The following CNTN5 variants were observed in gnomAD, a reference collection of about 807,000 sequenced individuals.
CNTN5 encodes the protein contactin-5.
CNTN5 carries 77 observed loss-of-function variants against 129.1 expected under a neutral mutation model. The ratio of observed to expected loss-of-function variants is 0.60; its 90% CI spans 0.50 to 0.72. CNTN5 has a LOEUF of 0.72. CNTN5 is among the 30% of genes least tolerant of loss of function. The pLI is 0.00. For missense variants in CNTN5, 1,478 were observed against 1,328.8 expected (o/e 1.11, Z -1.75); for synonymous variants, 509 against 465.6 (o/e 1.09, Z -1.20).
intron 3 of CNTN5, among the ~76,000 whole-genome samples, chr11:99,770,558 A>G (rs1356647956): frequency 6.6e-6 from 1 of 152,042 alleles, no homozygotes; most frequent in African/African-American, 2.4e-5. Flanking sequence ...AATTATGTCA[A>G]TATCTCATAG....
intron 2 of CNTN5, among the ~76,000 whole-genome samples, chr11:99,386,000 T>C (rs774089403): frequency 5.9e-5 from 9 of 152,200 alleles, no homozygotes; most frequent in Non-Finnish European, 1.2e-4. Flanking sequence ...TATATTTCCC[T>C]TGGGTGAAAG....
chr11:99,949,207 A>T (rs908292007), intron 7 of CNTN5, among the ~76,000 whole-genome samples: 1 of 152,070 alleles, frequency 6.6e-6, no homozygotes, highest in Non-Finnish European at 1.5e-5. Flanking sequence ...TATAAACCCA[A>T]TGAAAGACAA....
At position 100,235,077 on chromosome 11, in the gene CNTN5, C is replaced by T. The variant is rs539126428; in HGVS notation, c.2005+10265C>T. Among the ~76,000 whole-genome samples the T allele has an allele frequency of 7.2e-5, 11 of 152,162 alleles. No homozygotes were observed. The East Asian group carries it at 2.1e-3, about 29-fold the overall frequency. ...GTGTCATGAAAACAAAACAAAATGGCCTTTAATGTTAAAAAAGATGGTCTT... is the reference window on the plus strand; with the variant it reads ...GTGTCATGAAAACAAAACAAAATGGTCTTTAATGTTAAAAAAGATGGTCTT... On this transcript the variant is annotated intron_variant, in intron 16 of 24. Transcript: ENST00000524871.
chr11:100,053,821 G>A (rs1429726433), intron 9 of CNTN5, among the ~76,000 whole-genome samples: 2 of 151,716 alleles, frequency 1.3e-5, no homozygotes, highest in African/African-American at 4.8e-5. Flanking sequence ...ACAGTCAGCA[G>A]GCGTCTGGAT....
chr11:100,118,185 G>GC (rs1420997843), intron 13 of CNTN5, among the ~76,000 whole-genome samples: 4 of 151,638 alleles, frequency 2.6e-5, no homozygotes, highest in Admixed American at 2.0e-4. Context: ...TATATCATGT[G>GC]CTTTTAAAAT....
chr11:100,291,790 A>AAAT (rs1565405998), intron 18 of CNTN5, among the ~76,000 whole-genome samples: 61 of 50,540 alleles, frequency 1.2e-3, no homozygotes, highest in African/African-American at 2.5e-3. Context: ...AATAAATAAA[A>AAAT]AATATAAATA....
Position 100,358,202 on chromosome 11 carries a change from G to C in CNTN5, c.*1982G>C, listed in dbSNP as rs1952568305. 1 of 151,802 alleles carries C rather than the reference G, an allele frequency of 6.6e-6. No homozygotes were observed. Among genetic ancestry groups the C allele is most frequent in the African/African-American group, 2.4e-5 (1 of 41,386 alleles). 9.4% of individuals were successfully genotyped at this position (151,802 alleles called of 1,614,324 possible). A position where few individuals can be genotyped will look rare whatever the true frequency, so the allele number is the denominator to read the frequency against. ...CAAGCCATTTTCTTCATTTTCCATG[G>C]TGGTGTACACCAGATTTAGTGAAGG... On this transcript the variant is annotated 3_prime_UTR_variant, in exon 25 of 25. Transcript: ENST00000524871.
At chr11:99,190,590 G>GA in intron 1 of CNTN5, among the ~76,000 whole-genome samples, 1 of 150,912 alleles carries the variant, frequency 6.6e-6, no homozygotes, top group East Asian at 1.9e-4. Flanking sequence ...ATGTTTTGTA[G>GA]TTTTTTTTAG....
intron 1 of CNTN5, among the ~76,000 whole-genome samples, chr11:99,032,235 A>G (rs541318092): frequency 2.2e-4 from 33 of 152,064 alleles, no homozygotes; most frequent in African/African-American, 7.2e-4. Context: ...ATACGTGTGC[A>G]TGTGTCTTTA....
At chr11:99,033,368 A>G (rs1465841312) in intron 1 of CNTN5, among the ~76,000 whole-genome samples, 1 of 152,064 alleles carries the variant, frequency 6.6e-6, no homozygotes, top group Admixed American at 6.5e-5. Flanking sequence ...CAGTATGGCC[A>G]TTTTCACGAT....
At chr11:99,457,874 A>G (rs996603600) in intron 2 of CNTN5, among the ~76,000 whole-genome samples, 3 of 151,634 alleles carry the variant, frequency 2.0e-5, no homozygotes, top group African/African-American at 7.3e-5. Context: ...TCAAATTTTC[A>G]CTTCACTTCC....
At chr11:99,041,448 G>T (rs944588952) in intron 1 of CNTN5, among the ~76,000 whole-genome samples, 1 of 152,066 alleles carries the variant, frequency 6.6e-6, no homozygotes, top group Non-Finnish European at 1.5e-5. Context: ...TCATTTGTAT[G>T]CATGCCTTAC....
intron 15 of CNTN5, among the ~76,000 whole-genome samples, chr11:100,218,950 G>C (rs1325780891): frequency 1.3e-5 from 2 of 152,204 alleles, no homozygotes; most frequent in African/African-American, 4.8e-5. Context: ...ATGTGAGACA[G>C]AGAGTTGATC....
At chr11:99,171,435 C>T (rs1354130166) in intron 1 of CNTN5, among the ~76,000 whole-genome samples, 1 of 152,188 alleles carries the variant, frequency 6.6e-6, no homozygotes, top group African/African-American at 2.4e-5. Flanking sequence ...TTCAGTTCCT[C>T]CTCCTTATTC....
intron 2 of CNTN5, among the ~76,000 whole-genome samples, chr11:99,329,504 C>T (rs1865917374): frequency 1.3e-5 from 2 of 152,152 alleles, no homozygotes; most frequent in South Asian, 2.1e-4. Flanking sequence ...TCTGAAGGCT[C>T]AGTCACCTGA....
intron 1 of CNTN5, among the ~76,000 whole-genome samples, chr11:99,246,928 A>G (rs1861840959): frequency 6.6e-6 from 1 of 152,194 alleles, no homozygotes; most frequent in Admixed American, 6.6e-5. Context: ...ATTAATCCAT[A>G]TAATTTTTGA....
intron 18 of CNTN5, among the ~76,000 whole-genome samples, chr11:100,286,420 G>C (rs1950793901): frequency 6.6e-6 from 1 of 151,486 alleles, no homozygotes. Flanking sequence ...AGAACGGGCA[G>C]ACTGCCTCCT....
At chr11:99,977,537 C>G (rs1338385883) in intron 8 of CNTN5, among the ~76,000 whole-genome samples, 1 of 152,178 alleles carries the variant, frequency 6.6e-6, no homozygotes, top group Non-Finnish European at 1.5e-5. Flanking sequence ...CCTCAGGAAA[C>G]TTACAATCAT....
intron 2 of CNTN5, among the ~76,000 whole-genome samples, chr11:99,368,489 A>C (rs1939603328): frequency 6.6e-6 from 1 of 152,092 alleles, no homozygotes; most frequent in African/African-American, 2.4e-5. Context: ...ATTAAAAAAA[A>C]AAAAATTGAA....
Sources: gnomAD v4.1 joint callset for allele counts (sites outside exome capture counted in the v4.1 genomes callset) on GRCh38, gnomAD v4.1.1 for gene constraint, MANE v1.5 for transcripts, NCBI Gene and HGNC (gene_info 2026-07-23, HGNC 2026-07-21) for gene names.